Variants in PPM1E observed in about 807,000 individuals in gnomAD.
PPM1E encodes protein phosphatase 1E.
In PPM1E, 20 loss-of-function variants were observed where a neutral mutation model predicts 65.9. The observed-to-expected ratio is 0.30, with a 90% CI of 0.21 to 0.44. The LOEUF (loss-of-function observed/expected upper bound fraction) is 0.44, where lower values mean the gene tolerates loss of function less well. Among genes scored for constraint, PPM1E ranks in the 20% least tolerant of loss-of-function variants. PPM1E has a pLI of 1.00. For missense variants in PPM1E, 713 were observed against 953.1 expected, an observed-to-expected ratio of 0.75 and a Z score of 3.32; for synonymous variants, 352 against 374.9, an observed-to-expected ratio of 0.94 and a Z score of 0.70.
At chr17:58,818,610 A>G (rs896681050) in intron 1 of PPM1E, among the ~76,000 whole-genome samples, 63 of 152,126 alleles carry the variant, frequency 4.1e-4, no homozygotes, top group African/African-American at 1.4e-3. Context: ...CAAGTTCATT[A>G]TTTGCTTGGT....
intron 6 of PPM1E, 137 bp downstream of exon 6, chr17:58,973,062 A>G (rs1490917218): frequency 1.2e-5 from 7 of 597,224 alleles, no homozygotes; most frequent in Non-Finnish European, 1.5e-5. Context: ...ATAATTGGAT[A>G]ACGTCTCTTT....
intron 1 of PPM1E, among the ~76,000 whole-genome samples, chr17:58,866,709 C>CT (rs1330101455): frequency 3.0e-4 from 46 of 152,168 alleles, no homozygotes; most frequent in Non-Finnish European, 3.1e-4. Context: ...AAAATAATCC[C>CT]TGGTATCCCC....
At chr17:58,913,904 C>A (rs914812363) in intron 1 of PPM1E, among the ~76,000 whole-genome samples, 5 of 152,288 alleles carry the variant, frequency 3.3e-5, no homozygotes, top group African/African-American at 4.8e-5. Context: ...GCTTCTGAAC[C>A]ACAGTTCTAA....
At chr17:58,757,029 T>C (rs2049775177) in intron 1 of PPM1E, among the ~76,000 whole-genome samples, 1 of 151,898 alleles carries the variant, frequency 6.6e-6, no homozygotes, top group Non-Finnish European at 1.5e-5. Flanking sequence ...GAGAATGGAG[T>C]AGATTTTCCG....
chr17:58,954,543 C>T (rs1164255282), intron 1 of PPM1E, among the ~76,000 whole-genome samples: 1 of 152,162 alleles, frequency 6.6e-6, no homozygotes, highest in South Asian at 2.1e-4. Context: ...TTCACTTCCT[C>T]TGGGTTTCTT....
At chr17:58,770,618 C>A (rs1327536008) in intron 1 of PPM1E, among the ~76,000 whole-genome samples, 1 of 151,978 alleles carries the variant, frequency 6.6e-6, no homozygotes, top group Non-Finnish European at 1.5e-5. Flanking sequence ...AAATGAATAG[C>A]AAAAATTAGT....
intron 1 of PPM1E, among the ~76,000 whole-genome samples, chr17:58,952,575 C>G (rs1051348601): frequency 1.3e-5 from 2 of 152,192 alleles, no homozygotes; most frequent in African/African-American, 4.8e-5. Context: ...GCTCACAGAG[C>G]TGCTTCTCAG....
At chr17:58,872,351 C>A (rs2051080381) in intron 1 of PPM1E, among the ~76,000 whole-genome samples, 1 of 152,042 alleles carries the variant, frequency 6.6e-6, no homozygotes, top group Non-Finnish European at 1.5e-5. Context: ...TAAACCTCTA[C>A]CAAGCTGGGA....
At chr17:58,795,333 AT>A (rs1416535383) in intron 1 of PPM1E, among the ~76,000 whole-genome samples, 1 of 152,190 alleles carries the variant, frequency 6.6e-6, no homozygotes, top group Non-Finnish European at 1.5e-5. Context: ...ATTCACTTAG[AT>A]TCCTGCTAGC....
chr17:58,773,474 T>C (rs1439499836), intron 1 of PPM1E, among the ~76,000 whole-genome samples: 2 of 152,154 alleles, frequency 1.3e-5, no homozygotes, highest in African/African-American at 4.8e-5. Flanking sequence ...TAGAAGAATT[T>C]CCCTGAGGTC....
intron 1 of PPM1E, among the ~76,000 whole-genome samples, chr17:58,806,317 GA>G (rs2050313950): frequency 6.6e-6 from 1 of 151,762 alleles, no homozygotes; most frequent in South Asian, 2.1e-4. Flanking sequence ...AAATTAGTAT[GA>G]TTAGAAGGGT....
intron 1 of PPM1E, among the ~76,000 whole-genome samples, chr17:58,840,667 A>G (rs1023962994): frequency 1.3e-5 from 2 of 152,198 alleles, no homozygotes; most frequent in Non-Finnish European, 2.9e-5. Context: ...AGAGGTATGT[A>G]AAAGAAGCCA....
intron 1 of PPM1E, among the ~76,000 whole-genome samples, chr17:58,912,054 T>C (rs536403239): frequency 5.6e-4 from 85 of 152,204 alleles, no homozygotes; most frequent in African/African-American, 2.0e-3. Flanking sequence ...TTGGCTAGGG[T>C]TGAACTGTAC....
chr17:58,795,822 A>G (rs2050200619), intron 1 of PPM1E, among the ~76,000 whole-genome samples: 1 of 152,164 alleles, frequency 6.6e-6, no homozygotes, highest in Non-Finnish European at 1.5e-5. Context: ...TTTGCTGGGT[A>G]CATGTATGTC....
Position 58,981,014 on chromosome 17 carries a change from A to G in PPM1E, c.2251A>G (p.Ser751Gly). 6.2e-7 allele frequency: 1 copy of G among 1,600,216 alleles called. No homozygotes were observed. The highest frequency in any genetic ancestry group is 8.5e-7 in the Non-Finnish European group (1 of 1,175,890). ...TATTCCATGCCCAGATCTTCCTTGGAGCTATAAAATAGAATAATTTTTCTT... is the reference window on the plus strand; with the variant it reads ...TATTCCATGCCCAGATCTTCCTTGGGGCTATAAAATAGAATAATTTTTCTT... ...HDIPCPDLPWSYKIE is the reference protein window; with the variant it reads ...HDIPCPDLPWGYKIE Residue 751 changes from serine (S) to glycine (G), a missense_variant, in exon 7 of 7, where the codon AGC becomes GGC. Around this residue, in one of 6 missense-constraint regions of PPM1E, gnomAD observed 286 missense variants for 313.8 expected, o/e 0.91. Transcript: ENST00000308249.
chr17:58,906,282 C>T (rs1015083201), intron 1 of PPM1E, among the ~76,000 whole-genome samples: 1 of 152,134 alleles, frequency 6.6e-6, no homozygotes, highest in Non-Finnish European at 1.5e-5. Context: ...TTTATTGACT[C>T]TTTCAAAGAA....
chr17:58,809,416 A>G (rs2050344348), intron 1 of PPM1E, among the ~76,000 whole-genome samples: 1 of 152,004 alleles, frequency 6.6e-6, no homozygotes, highest in African/African-American at 2.4e-5. Flanking sequence ...TTTTTGAGAT[A>G]GGGTCTTACT....
chr17:58,826,792 AT>A (rs1008941709), intron 1 of PPM1E, among the ~76,000 whole-genome samples: 4 of 148,210 alleles, frequency 2.7e-5, no homozygotes, highest in Admixed American at 6.7e-5. Context: ...CACCTGGCTA[AT>A]TTTTTTTTTG....
At chr17:58,898,340 T>C (rs2051450983) in intron 1 of PPM1E, among the ~76,000 whole-genome samples, 2 of 150,572 alleles carry the variant, frequency 1.3e-5, no homozygotes, top group Admixed American at 1.3e-4. Context: ...CGTCAAAAAG[T>C]AGGCAAAGTA....
Sources: allele counts gnomAD v4.1 joint callset (sites outside exome capture counted in the v4.1 genomes callset), GRCh38; gene constraint gnomAD v4.1.1; regional missense constraint gnomAD v4.1.1; transcripts MANE v1.5; gene names NCBI Gene and HGNC (gene_info 2026-07-23, HGNC 2026-07-21).